MACROD2: variants seen among roughly 807,000 people sequenced by gnomAD.
The protein encoded by MACROD2 is mono-ADP ribosylhydrolase 2, also known as ADP-ribose glycohydrolase MACROD2.
Under a neutral mutation model 70.4 loss-of-function variants are expected in MACROD2, and 36 were observed. The observed-to-expected ratio is 0.51, with a 90% CI of 0.39 to 0.68. MACROD2 has a LOEUF of 0.68. Ranked by LOEUF, MACROD2 falls within the 30% of genes least tolerant of loss-of-function variation. MACROD2 has a pLI of 0.00. For missense variants in MACROD2, 496 were observed against 538.4 expected, an observed-to-expected ratio of 0.92 and a Z score of 0.78; for synonymous variants, 172 against 178.8, an observed-to-expected ratio of 0.96 and a Z score of 0.30.
At chr20:14,985,205 T>G (rs556791954) in intron 5 of MACROD2, among the ~76,000 whole-genome samples, 12 of 152,288 alleles carry the variant, frequency 7.9e-5, no homozygotes, top group African/African-American at 2.9e-4. Context: ...CTATGACACT[T>G]CACTCAATTG....
intron 8 of MACROD2, among the ~76,000 whole-genome samples, chr20:15,776,140 C>T (rs1359580684): frequency 6.6e-6 from 1 of 152,146 alleles, no homozygotes; most frequent in East Asian, 1.9e-4. Context: ...TCTGGCTTCT[C>T]TTGGAAGACT....
At chr20:15,724,999 G>A (rs542244458) in intron 8 of MACROD2, among the ~76,000 whole-genome samples, 5 of 152,038 alleles carry the variant, frequency 3.3e-5, no homozygotes, top group Non-Finnish European at 5.9e-5. Flanking sequence ...GAAGAATGAC[G>A]TGAATCCGGG....
chr20:14,624,576 C>G (rs149166443), intron 4 of MACROD2, among the ~76,000 whole-genome samples: 38 of 152,308 alleles, frequency 2.5e-4, no homozygotes, highest in African/African-American at 8.4e-4. Flanking sequence ...GGAAAAATAA[C>G]TTTAGTGTGT....
intron 8 of MACROD2, among the ~76,000 whole-genome samples, chr20:15,583,174 T>A (rs1301349456): frequency 6.6e-6 from 1 of 152,214 alleles, no homozygotes. Flanking sequence ...ATTCAAGGCC[T>A]GCTCTACCTT....
intron 8 of MACROD2, among the ~76,000 whole-genome samples, chr20:15,659,502 G>T (rs570315941): frequency 1.3e-5 from 2 of 151,520 alleles, no homozygotes; most frequent in African/African-American, 2.4e-5. Flanking sequence ...GAAGTTTTTT[G>T]TTGCTTCCCA....
At chr20:15,499,106 C>T (rs1399187132) in intron 7 of MACROD2, among the ~76,000 whole-genome samples, 1 of 152,192 alleles carries the variant, frequency 6.6e-6, no homozygotes, top group African/African-American at 2.4e-5. Flanking sequence ...GCTATGGTGA[C>T]ATTCTGAATG....
At chr20:15,661,713 A>G (rs2146817438) in intron 8 of MACROD2, among the ~76,000 whole-genome samples, 1 of 152,336 alleles carries the variant, frequency 6.6e-6, no homozygotes, top group East Asian at 1.9e-4. Flanking sequence ...GGCAGTACCC[A>G]CATCAAAAAA....
chr20:15,374,117 A>T (rs1276929874), intron 6 of MACROD2, among the ~76,000 whole-genome samples: 1 of 152,098 alleles, frequency 6.6e-6, no homozygotes, highest in Non-Finnish European at 1.5e-5. Context: ...AAGACTCTTG[A>T]TATGCATAAA....
intron 5 of MACROD2, among the ~76,000 whole-genome samples, chr20:15,000,554 C>T (rs1402805184): frequency 1.8e-5 from 2 of 114,030 alleles, no homozygotes; most frequent in Middle Eastern, 4.6e-3. Flanking sequence ...ACCCGGGAAG[C>T]GGAGCTTGCA....
intron 8 of MACROD2, among the ~76,000 whole-genome samples, chr20:15,785,631 C>T (rs559678975): frequency 6.6e-6 from 1 of 152,148 alleles, no homozygotes; most frequent in South Asian, 2.1e-4. Flanking sequence ...GAAGGGGTGT[C>T]AAGGAGTGTC....
At chr20:14,543,664 C>A (rs929534497) in intron 4 of MACROD2, among the ~76,000 whole-genome samples, 4 of 152,168 alleles carry the variant, frequency 2.6e-5, no homozygotes, top group African/African-American at 7.2e-5. Context: ...AGATGCTCCT[C>A]AACTTGCAAT....
intron 4 of MACROD2, among the ~76,000 whole-genome samples, chr20:14,654,806 C>G (rs570670546): frequency 3.9e-5 from 6 of 152,264 alleles, no homozygotes; most frequent in South Asian, 4.2e-4. Context: ...TAAAAGCGCT[C>G]AGTTCCCCCT....
intron 12 of MACROD2, among the ~76,000 whole-genome samples, chr20:15,966,872 A>G (rs550944625): frequency 6.6e-6 from 1 of 152,224 alleles, no homozygotes; most frequent in Non-Finnish European, 1.5e-5. Context: ...GGAGGCCTAA[A>G]CATTTAGCAA....
chr20:15,271,265 A>G (rs1471831681), intron 6 of MACROD2, among the ~76,000 whole-genome samples: 2 of 152,144 alleles, frequency 1.3e-5, no homozygotes, highest in Non-Finnish European at 2.9e-5. Flanking sequence ...CTTGTCCTCA[A>G]GTGGTAGAAA....
intron 3 of MACROD2, among the ~76,000 whole-genome samples, chr20:14,118,087 T>G (rs748898669): frequency 9.2e-5 from 14 of 152,344 alleles, no homozygotes; most frequent in Non-Finnish European, 1.8e-4. Context: ...ATGAATATTG[T>G]TTTAAGCTGT....
chr20:15,894,804 T>C (rs1568623455), intron 10 of MACROD2, among the ~76,000 whole-genome samples: 1 of 152,180 alleles, frequency 6.6e-6, no homozygotes, highest in Non-Finnish European at 1.5e-5. Context: ...TTTAAAATCG[T>C]TCAGAGGAGA....
intron 4 of MACROD2, among the ~76,000 whole-genome samples, chr20:14,527,345 G>A (rs2085246197): frequency 1.3e-5 from 2 of 152,160 alleles, no homozygotes. Context: ...GGCAGAAAAT[G>A]CCTGTCTTCA....
chr20:14,530,426 T>C (rs1544043), intron 4 of MACROD2, among the ~76,000 whole-genome samples: 72,272 of 152,018 alleles, frequency 0.48, 17,392 homozygotes, highest in Middle Eastern at 0.52. Flanking sequence ...CACTTTCATA[T>C]TTTTTATTTA....
intron 4 of MACROD2, chr20:14,493,861 C>T (rs2084822386): frequency 6.4e-6 from 1 of 155,422 alleles, no homozygotes; most frequent in African/African-American, 2.4e-5. Context: ...AATTCTAAAA[C>T]AACAGAACAT....
Sources: allele counts gnomAD v4.1 joint callset (sites outside exome capture counted in the v4.1 genomes callset), GRCh38; gene constraint gnomAD v4.1.1; transcripts MANE v1.5; gene names NCBI Gene and HGNC (gene_info 2026-07-23, HGNC 2026-07-21).